Variants in C8orf34 observed in about 807,000 individuals in gnomAD.
The protein encoded by C8orf34 is chromosome 8 open reading frame 34, also known as uncharacterized protein C8orf34.
In C8orf34, 65 loss-of-function variants were observed where a neutral mutation model predicts 68.3. That is an observed-to-expected ratio of 0.95 (90% CI 0.78 to 1.17). C8orf34 has a LOEUF of 1.17. Among genes scored for constraint, C8orf34 ranks in the 50% most tolerant of loss-of-function variants. The pLI is 0.00. For synonymous variants in C8orf34, 244 were observed against 241.2 expected (o/e 1.01, Z -0.11); for missense variants, 664 against 655.4 (o/e 1.01, Z -0.14).
At chr8:68,602,699 G>A (rs531864223) in intron 7 of C8orf34, among the ~76,000 whole-genome samples, 4 of 152,152 alleles carry the variant, frequency 2.6e-5, no homozygotes, top group Admixed American at 6.5e-5. Context: ...ACCTTATTAA[G>A]TCTAATTGCT....
At chr8:68,816,017 G>A (rs940099597) in intron 13 of C8orf34, 72 bp downstream of exon 13, 10 of 1,609,248 alleles carry the variant, frequency 6.2e-6, no homozygotes, top group Admixed American at 5.0e-5. Context: ...CTCAGGATTT[G>A]TATTAAAAAA....
intron 1 of C8orf34, among the ~76,000 whole-genome samples, chr8:68,382,905 C>T (rs981036266): frequency 4.7e-4 from 72 of 152,050 alleles, no homozygotes; most frequent in African/African-American, 1.6e-3. Flanking sequence ...ACTTTGCATC[C>T]GTGCACTGGC....
At chr8:68,425,904 A>G (rs1043897225) in intron 1 of C8orf34, among the ~76,000 whole-genome samples, 3 of 152,174 alleles carry the variant, frequency 2.0e-5, no homozygotes, top group African/African-American at 7.2e-5. Flanking sequence ...CAAAGACACA[A>G]AAGTAATTCA....
intron 3 of C8orf34, among the ~76,000 whole-genome samples, chr8:68,460,830 AC>A (rs377208793): frequency 0.066 from 10,031 of 152,164 alleles, 403 homozygotes; most frequent in East Asian, 0.11. Flanking sequence ...AGATAAAACC[AC>A]AAAGATGGGG....
At chr8:68,511,171 G>A (rs1448995079) in intron 5 of C8orf34, among the ~76,000 whole-genome samples, 1 of 152,194 alleles carries the variant, frequency 6.6e-6, no homozygotes, top group Non-Finnish European at 1.5e-5. Flanking sequence ...TTTTGGTGCT[G>A]CCAAAGAAAT....
chr8:68,797,209 G>A (rs541676686), intron 12 of C8orf34, among the ~76,000 whole-genome samples: 2 of 152,322 alleles, frequency 1.3e-5, no homozygotes, highest in African/African-American at 4.8e-5. Context: ...TTTGGAAGAA[G>A]AAGTGCTCTA....
chr8:68,759,634 T>G (rs1398507410), intron 10 of C8orf34, among the ~76,000 whole-genome samples: 1 of 152,214 alleles, frequency 6.6e-6, no homozygotes, highest in East Asian at 1.9e-4. Flanking sequence ...AGTGGTGTGT[T>G]TGTTTGAATA....
chr8:68,440,596 C>T (rs1810859766), intron 2 of C8orf34, among the ~76,000 whole-genome samples: 1 of 152,084 alleles, frequency 6.6e-6, no homozygotes, highest in African/African-American at 2.4e-5. Flanking sequence ...AGAAGAAACT[C>T]TTACTTGTCT....
intron 8 of C8orf34, among the ~76,000 whole-genome samples, chr8:68,658,997 G>T (rs1206020186): frequency 6.6e-6 from 1 of 151,760 alleles, no homozygotes; most frequent in African/African-American, 2.4e-5. Flanking sequence ...TTTTCTTCAT[G>T]TACTTTACAA....
chr8:68,391,383 T>A (rs1049132488), intron 1 of C8orf34, among the ~76,000 whole-genome samples: 1 of 152,014 alleles, frequency 6.6e-6, no homozygotes, highest in South Asian at 2.1e-4. Context: ...CTAGCTCAGA[T>A]CCCAAGGCTA....
chr8:68,420,366 G>GA lies in C8orf34; in HGVS notation c.328-19124dup, dbSNP rs1207951150. Among the ~76,000 whole-genome samples, 104 of 151,020 alleles carry GA rather than the reference G, an allele frequency of 6.9e-4. 2 individuals carry two copies. The highest frequency in any genetic ancestry group is 3.5e-3 in the Middle Eastern group (1 of 288). On this transcript the variant is annotated intron_variant, in intron 1 of 13. Transcript: ENST00000518698. The stretch of plus-strand genomic sequence containing the variant: ...TATATTTGGGTCATCTGGAATTCCA[G>GA]AAAAAAAAATGTAAATTTTTTGAAA...
chr8:68,676,015 C>T (rs2130859398), intron 8 of C8orf34, among the ~76,000 whole-genome samples: 1 of 152,234 alleles, frequency 6.6e-6, no homozygotes, highest in Non-Finnish European at 1.5e-5. Flanking sequence ...GGGGTCAGTT[C>T]AGCAAGAGGA....
At chr8:68,663,104 A>G (rs1216813455) in intron 8 of C8orf34, among the ~76,000 whole-genome samples, 1 of 152,252 alleles carries the variant, frequency 6.6e-6, no homozygotes. Context: ...TGACTAAATC[A>G]TAGAAACTCT....
chr8:68,330,695 C>A (rs895272298), upstream of C8orf34: 3 of 299,606 alleles, frequency 1.0e-5, no homozygotes, highest in East Asian at 1.2e-4. Context: ...GCGGCGCTGT[C>A]GCTAGGGAGC....
chr8:68,521,275 G>A (rs1814743891), intron 5 of C8orf34, among the ~76,000 whole-genome samples: 3 of 152,102 alleles, frequency 2.0e-5, no homozygotes, highest in Non-Finnish European at 4.4e-5. Flanking sequence ...ACTAACATTT[G>A]TTGAATTAGC....
At chr8:68,490,088 A>G (rs1444305853) in intron 5 of C8orf34, among the ~76,000 whole-genome samples, 1 of 152,048 alleles carries the variant, frequency 6.6e-6, no homozygotes, top group Non-Finnish European at 1.5e-5. Context: ...TGTGCCTGTC[A>G]TTGTCTCACC....
At chr8:68,647,312 G>T (rs1393952174) in intron 8 of C8orf34, among the ~76,000 whole-genome samples, 1 of 152,174 alleles carries the variant, frequency 6.6e-6, no homozygotes, top group Non-Finnish European at 1.5e-5. Flanking sequence ...AAGTACCCGT[G>T]AGGATGTAGA....
At chr8:68,375,999 A>G (rs911861233) in intron 1 of C8orf34, among the ~76,000 whole-genome samples, 1 of 152,134 alleles carries the variant, frequency 6.6e-6, no homozygotes, top group Non-Finnish European at 1.5e-5. Flanking sequence ...TGGAGTGCCT[A>G]CAATATACCA....
At chr8:68,375,272 A>T (rs982244199) in intron 1 of C8orf34, among the ~76,000 whole-genome samples, 2 of 152,234 alleles carry the variant, frequency 1.3e-5, no homozygotes, top group African/African-American at 4.8e-5. Context: ...TATTTATAAA[A>T]CATTTTGTTA....
Sources: gnomAD v4.1 joint callset for allele counts (sites outside exome capture counted in the v4.1 genomes callset) on GRCh38, gnomAD v4.1.1 for gene constraint, MANE v1.5 for transcripts, NCBI Gene and HGNC (gene_info 2026-07-23, HGNC 2026-07-21) for gene names.